CERS6: variants seen among roughly 807,000 people sequenced by gnomAD.
The protein encoded by CERS6 is ceramide synthase 6.
In CERS6, 26 loss-of-function variants were observed where a neutral mutation model predicts 56.8. The ratio of observed to expected loss-of-function variants is 0.46; its 90% CI spans 0.34 to 0.63. The LOEUF (loss-of-function observed/expected upper bound fraction) is 0.63, where lower values mean the gene tolerates loss of function less well. Ranked by LOEUF, CERS6 falls within the 30% of genes least tolerant of loss-of-function variation. The pLI is 0.01. For missense variants in CERS6, 415 were observed against 467.5 expected, an observed-to-expected ratio of 0.89 and a Z score of 1.04; for synonymous variants, 164 against 173.3, an observed-to-expected ratio of 0.95 and a Z score of 0.42.
intron 1 of CERS6, among the ~76,000 whole-genome samples, chr2:168,459,753 G>C (rs550785756): frequency 2.2e-4 from 33 of 152,154 alleles, no homozygotes; most frequent in African/African-American, 7.7e-4. Context: ...ATTGTCATCT[G>C]TTTGATGAAT....
chr2:168,549,969 G>A (rs1376735101), intron 2 of CERS6, among the ~76,000 whole-genome samples: 1 of 151,998 alleles, frequency 6.6e-6, no homozygotes, highest in Non-Finnish European at 1.5e-5. Flanking sequence ...TTTGTAGAAG[G>A]GCATGATTAT....
chr2:168,542,518 G>T (rs1695391012), intron 1 of CERS6, among the ~76,000 whole-genome samples: 1 of 152,186 alleles, frequency 6.6e-6, no homozygotes, highest in Non-Finnish European at 1.5e-5. Flanking sequence ...TTTTTGGAAA[G>T]CATAGGAAGT....
chr2:168,573,091 A>G (rs1205892303), intron 3 of CERS6, among the ~76,000 whole-genome samples: 1 of 152,138 alleles, frequency 6.6e-6, no homozygotes, highest in Non-Finnish European at 1.5e-5. Flanking sequence ...ACATGGACCA[A>G]ATGGAGAAAA....
chr2:168,634,179 T>C (rs1044621854), intron 4 of CERS6, among the ~76,000 whole-genome samples: 15 of 152,232 alleles, frequency 9.9e-5, no homozygotes, highest in Non-Finnish European at 1.8e-4. Flanking sequence ...AGGAAATATT[T>C]AAGCAGTTGA....
At chr2:168,555,392 G>GA (rs1695656862) in intron 2 of CERS6, among the ~76,000 whole-genome samples, 1 of 151,660 alleles carries the variant, frequency 6.6e-6, no homozygotes, top group African/African-American at 2.4e-5. Context: ...ATACAGATAT[G>GA]AAAAAAATAG....
chr2:168,456,733 C>T lies in CERS6; in HGVS notation c.170+115C>T. ...CCCCAACGCTCGCGTTCACGCCTCC[C>T]AACCTTTGTGTTCGGGGAGGGGTTG... On this transcript the variant is annotated intron_variant, in intron 1 of 9. Coordinates refer to ENST00000305747, the MANE Select transcript of CERS6 (RefSeq NM_203463.3). This position sits in a 1 kb window ranked among gnomAD's most constrained non-coding sequence, Gnocchi z 4.1. 4.0e-6 allele frequency: 4 copies of T among 997,684 alleles called. No homozygotes were observed. Among genetic ancestry groups the T allele is most frequent in the African/African-American group, 3.2e-5 (2 of 61,848 alleles). 61.8% of individuals were successfully genotyped at this position (997,684 alleles called of 1,614,324 possible). A position where few individuals can be genotyped will look rare whatever the true frequency, so the allele number is the denominator to read the frequency against.
intron 4 of CERS6, among the ~76,000 whole-genome samples, chr2:168,676,044 G>A (rs1686052111): frequency 6.6e-6 from 1 of 152,104 alleles, no homozygotes. Context: ...TTAATATATG[G>A]TTTAGTAGAA....
In CERS6 at chr2:168,717,858, C is replaced by T. The variant is rs766635241; in HGVS notation, c.739-14C>T. 19 of 1,589,900 alleles carry T rather than the reference C, an allele frequency of 1.2e-5. No individual in the cohort carries two copies. In the East Asian group the frequency reaches 3.6e-4, roughly 30 times the overall value. On this transcript the variant is annotated splice_polypyrimidine_tract_variant and intron_variant, in intron 7 of 9. Coordinates refer to ENST00000305747, the MANE Select transcript of CERS6 (RefSeq NM_203463.3). The stretch of plus-strand genomic sequence containing the variant: ...TTTAACTACATTAATATATCACATT[C>T]CTTTCTTTCATAGGCTGCCAAAATG...
chr2:168,747,708 A>C (rs1684149335), intron 8 of CERS6, among the ~76,000 whole-genome samples: 1 of 152,088 alleles, frequency 6.6e-6, no homozygotes, highest in Non-Finnish European at 1.5e-5. Flanking sequence ...ATCTCTTTTA[A>C]TTATTAGTTT....
chr2:168,698,474 G>A (rs1686723549), intron 6 of CERS6, among the ~76,000 whole-genome samples: 1 of 151,998 alleles, frequency 6.6e-6, no homozygotes, highest in Non-Finnish European at 1.5e-5. Flanking sequence ...AAAAGAGAGG[G>A]AAAGGTGCCA....
intron 3 of CERS6, among the ~76,000 whole-genome samples, chr2:168,576,338 A>G (rs1182806659): frequency 6.6e-6 from 1 of 152,116 alleles, no homozygotes; most frequent in Non-Finnish European, 1.5e-5. Flanking sequence ...TTGAGAACCC[A>G]GCACCTAGGA....
intron 1 of CERS6, among the ~76,000 whole-genome samples, chr2:168,497,993 T>G (rs747893283): frequency 6.6e-6 from 1 of 152,174 alleles, no homozygotes; most frequent in African/African-American, 2.4e-5. Flanking sequence ...GGAAGACTCC[T>G]GATACCAAGC....
At position 168,766,334 on chromosome 2, in the gene CERS6, A is replaced by T. The variant is rs1181937859; in HGVS notation, c.1002+586A>T. 7 of 1,598,018 alleles carry T rather than the reference A, an allele frequency of 4.4e-6. No homozygotes were observed. The Admixed American group carries it at 8.3e-5, about 19-fold the overall frequency. On this transcript the variant is annotated intron_variant, in intron 9 of 9. Coordinates refer to ENST00000305747, the MANE Select transcript of CERS6 (RefSeq NM_203463.3). ...GCTACCCTGGAAGGCTGGGAAGTGGAACCCTTTACATGTAAGTTTCTCCTC... is the reference window on the plus strand; with the variant it reads ...GCTACCCTGGAAGGCTGGGAAGTGGTACCCTTTACATGTAAGTTTCTCCTC...
At chr2:168,578,098 C>T (rs931155844) in intron 3 of CERS6, among the ~76,000 whole-genome samples, 2 of 151,904 alleles carry the variant, frequency 1.3e-5, no homozygotes, top group African/African-American at 4.8e-5. Flanking sequence ...TTGGAGCCCT[C>T]GCTCAGATAT....
rs1481990984 is a variant in CERS6 at position 168,769,919 on chromosome 2, TA to T, written c.*258del. 2 of 387,220 alleles carry T rather than the reference TA, an allele frequency of 5.2e-6. No homozygotes were observed. Among genetic ancestry groups the T allele is most frequent in the Non-Finnish European group, 9.1e-6 (2 of 218,714 alleles). The allele number at this position is 387,220 out of a possible 1,614,324, so 24.0% of individuals were successfully genotyped here. On this transcript the variant is annotated 3_prime_UTR_variant, in exon 10 of 10. Coordinates refer to ENST00000305747, the MANE Select transcript of CERS6 (RefSeq NM_203463.3). ...ATTTGTACTGTCTTAGAATATTATT[TA>T]TTTTTTTGTATTTGTAAATCTGTGG...
intron 4 of CERS6, among the ~76,000 whole-genome samples, chr2:168,677,738 C>T (rs1686100688): frequency 6.6e-6 from 1 of 152,240 alleles, no homozygotes; most frequent in East Asian, 1.9e-4. Flanking sequence ...CTCAGGTGTT[C>T]TGCCCACCTC....
chr2:168,621,321 A>G (rs965832756), intron 3 of CERS6, among the ~76,000 whole-genome samples: 3 of 152,222 alleles, frequency 2.0e-5, no homozygotes, highest in Non-Finnish European at 4.4e-5. Flanking sequence ...TTTGGCCACA[A>G]TAGATCAATA....
intron 3 of CERS6, among the ~76,000 whole-genome samples, chr2:168,602,479 C>T (rs1301708855): frequency 6.6e-6 from 1 of 151,998 alleles, no homozygotes; most frequent in African/African-American, 2.4e-5. Context: ...ATCCACCTAC[C>T]TATGTGGATA....
chr2:168,591,312 A>G (rs1287634869), intron 3 of CERS6, among the ~76,000 whole-genome samples: 4 of 152,250 alleles, frequency 2.6e-5, no homozygotes, highest in Non-Finnish European at 4.4e-5. Context: ...GATAGCCCAA[A>G]TGGCTTCACC....
Sources: gnomAD v4.1 joint callset for allele counts (sites outside exome capture counted in the v4.1 genomes callset) on GRCh38, gnomAD v4.1.1 for gene constraint, Gnocchi (gnomAD v3.1) non-coding constraint, MANE v1.5 for transcripts, NCBI Gene and HGNC (gene_info 2026-07-23, HGNC 2026-07-21) for gene names.